The following LCP2 variants were observed in gnomAD, a reference collection of about 807,000 sequenced individuals.
The protein encoded by LCP2 is 76 kDa tyrosine phosphoprotein.
A neutral mutation model predicts 74.5 loss-of-function variants in LCP2; 29 were observed. The ratio of observed to expected loss-of-function variants is 0.39; its 90% CI spans 0.29 to 0.53. The LOEUF (loss-of-function observed/expected upper bound fraction) is 0.53, where lower values mean the gene tolerates loss of function less well. LCP2 is among the 20% of genes least tolerant of loss of function. The pLI, the probability that LCP2 is intolerant of heterozygous loss-of-function variation, is 0.72. For synonymous variants in LCP2, 228 were observed against 229.5 expected, an observed-to-expected ratio of 0.99 and a Z score of 0.06; for missense variants, 604 against 634.6, an observed-to-expected ratio of 0.95 and a Z score of 0.52.
At chr5:170,258,344 G>T in intron 15 of LCP2, 178 bp from the exon 16 acceptor site, 1 of 586,196 alleles carries the variant, frequency 1.7e-6, no homozygotes, top group Non-Finnish European at 3.0e-6. Flanking sequence ...GTTTCTAGAT[G>T]ACTTAACCAC....
intron 6 of LCP2, among the ~76,000 whole-genome samples, chr5:170,272,444 G>A (rs1038938987): frequency 6.6e-6 from 1 of 151,952 alleles, no homozygotes; most frequent in African/African-American, 2.4e-5. Context: ...AGTTAACTTG[G>A]GCTATTTCTT....
In LCP2 at chr5:170,297,645, G is replaced by A; in HGVS notation, c.-34C>T. The A allele has an allele frequency of 6.3e-7, 1 of 1,576,300 alleles. No individual in the cohort carries two copies. The highest frequency in any genetic ancestry group is 8.6e-7 in the Non-Finnish European group (1 of 1,157,050). ...TCCCGGGAAGAAGCTCACAAGCTGA[G>A]CATGGGCGCTTCACCCATGGGCAGA... On this transcript the variant is annotated 5_prime_UTR_variant, in exon 1 of 21. Coordinates refer to ENST00000046794, the MANE Select transcript of LCP2 (RefSeq NM_005565.5).
At chr5:170,296,402 T>G (rs755832858) in intron 1 of LCP2, among the ~76,000 whole-genome samples, 38 of 152,200 alleles carry the variant, frequency 2.5e-4, no homozygotes, top group Non-Finnish European at 4.9e-4. Context: ...GCTGTGACTA[T>G]AAATGCCTCG....
intron 18 of LCP2, 72 bp downstream of exon 18, chr5:170,253,047 C>A (rs1761480237): frequency 1.1e-6 from 1 of 912,532 alleles, no homozygotes; most frequent in Non-Finnish European, 1.7e-6. Flanking sequence ...GAAGAACATT[C>A]AATGGGAGTT....
At chr5:170,281,484 G>A (rs909186156) in intron 3 of LCP2, among the ~76,000 whole-genome samples, 7 of 152,184 alleles carry the variant, frequency 4.6e-5, no homozygotes, top group Non-Finnish European at 1.0e-4. Context: ...GTTTCACTGT[G>A]TTAGCCAGGA....
At chr5:170,270,477 T>A in intron 7 of LCP2, 2 of 460,514 alleles carry the variant, frequency 4.3e-6, no homozygotes, top group African/African-American at 2.0e-5. Flanking sequence ...GCAGTCTTAG[T>A]AGTCCTCACA....
In LCP2 at chr5:170,268,434, TGG is replaced by T; in HGVS notation, c.570_571del (p.Gln191GlufsTer60). The T allele has an allele frequency of 8.0e-6, 3 of 375,870 alleles. No individual in the cohort carries two copies. The highest frequency in any genetic ancestry group is 1.0e-5 in the Non-Finnish European group (3 of 299,748). The allele number at this position is 375,870 out of a possible 1,614,324, so 23.3% of individuals were successfully genotyped here. ...GGGCGGGAGGGCGGCCATCGGTCTC[TGG>T]GGGGGCACAGGAGGCTGCTGGGGGG... On this transcript the variant is annotated frameshift_variant, in exon 8 of 21. Coordinates refer to ENST00000046794, the MANE Select transcript of LCP2 (RefSeq NM_005565.5). LOFTEE classifies it high-confidence loss of function.
At chr5:170,284,016 A>G (rs901960538) in intron 3 of LCP2, among the ~76,000 whole-genome samples, 3 of 152,166 alleles carry the variant, frequency 2.0e-5, no homozygotes, top group African/African-American at 7.2e-5. Context: ...TTAGAATGTG[A>G]GTGTCCTGAG....
At position 170,281,098 on chromosome 5, in the gene LCP2, C is replaced by T. The variant is rs1313707463; in HGVS notation, c.189-5238G>A. 2.0e-5 allele frequency among the ~76,000 whole-genome samples: 3 copies of T among 152,282 alleles called. No individual in the cohort carries two copies. The East Asian group carries it at 5.8e-4, about 29-fold the overall frequency. On this transcript the variant is annotated intron_variant, in intron 3 of 20. Coordinates refer to ENST00000046794, the MANE Select transcript of LCP2 (RefSeq NM_005565.5). ...GCATTTATGGGGAGAGGAGGCTTCA[C>T]GTCGAGTGCTGTGGGCTTGCACTGG...
intron 10 of LCP2, among the ~76,000 whole-genome samples, chr5:170,263,320 T>C (rs1761696134): frequency 1.3e-5 from 2 of 152,244 alleles, no homozygotes; most frequent in Non-Finnish European, 2.9e-5. Flanking sequence ...AATGTTTCCT[T>C]GGGATTTTAT....
At position 170,258,150 on chromosome 5, in the gene LCP2, C is replaced by T. The variant is rs1320740582; in HGVS notation, c.987G>A (p.Leu329=). The T allele has an allele frequency of 2.5e-6, 4 of 1,613,872 alleles. No homozygotes were observed. The highest frequency in any genetic ancestry group is 1.3e-5 in the African/African-American group (1 of 75,010). Residue 329 remains leucine (L), a synonymous_variant, in exon 16 of 21, where the codon TTG becomes TTA. Coordinates refer to ENST00000046794, the MANE Select transcript of LCP2 (RefSeq NM_005565.5). ...NDEDDVHQRP[L]PQPALLPMSS... ...TCATAGGAAGTAGTGCTGGCTGGGGCAAAGGTCTCTGATGCACTGTGCAGA... is the reference window on the plus strand; with the variant it reads ...TCATAGGAAGTAGTGCTGGCTGGGGTAAAGGTCTCTGATGCACTGTGCAGA...
chr5:170,263,905 G>A (rs1761704432), intron 10 of LCP2, among the ~76,000 whole-genome samples: 1 of 152,184 alleles, frequency 6.6e-6, no homozygotes, highest in Admixed American at 6.5e-5. Context: ...GCACTTGATT[G>A]TGAAAGTTGG....
At chr5:170,278,587 C>T (rs1762050219) in intron 3 of LCP2, among the ~76,000 whole-genome samples, 1 of 151,888 alleles carries the variant, frequency 6.6e-6, no homozygotes, top group African/African-American at 2.4e-5. Context: ...GGTGACATTT[C>T]AGTAATGACT....
chr5:170,274,021 G>A lies in LCP2; in HGVS notation c.324+280C>T. 1.0e-5 allele frequency: 5 copies of A among 476,598 alleles called. No homozygotes were observed. In the Admixed American group the frequency reaches 1.4e-4, roughly 13 times the overall value. 29.5% of individuals were successfully genotyped at this position (476,598 alleles called of 1,614,324 possible). The stretch of plus-strand genomic sequence containing the variant: ...CCTACCCTCTGTGTTTGCAAATGAA[G>A]GTTTATGGGCGCAAAGCCAAGCCTG... On this transcript the variant is annotated intron_variant, in intron 6 of 20. Transcript: ENST00000046794.
In LCP2 at chr5:170,256,642, GT is replaced by G; in HGVS notation, c.1101-68del. 1 of 1,144,582 alleles carries G rather than the reference GT, an allele frequency of 8.7e-7. No homozygotes were observed. The highest frequency in any genetic ancestry group is 1.3e-6 in the Non-Finnish European group (1 of 753,428). 70.9% of individuals were successfully genotyped at this position (1,144,582 alleles called of 1,614,324 possible). A position where few individuals can be genotyped will look rare whatever the true frequency, so the allele number is the denominator to read the frequency against. On this transcript the variant is annotated intron_variant, in intron 16 of 20. Coordinates refer to ENST00000046794, the MANE Select transcript of LCP2 (RefSeq NM_005565.5). The surrounding 1 kb of genome is among the most constrained non-coding windows in gnomAD (Gnocchi z 4.5). ...TGATGGGGCCAGACAGGGGAGCTGG[GT>G]TAGGGAAGCCAGGCTGCAAATGCTT...
chr5:170,297,692 G>C lies in LCP2; in HGVS notation c.-81C>G. 7.9e-7 allele frequency: 1 copy of C among 1,272,270 alleles called. No homozygotes were observed. Among genetic ancestry groups the C allele is most frequent in the Non-Finnish European group, 1.1e-6 (1 of 911,022 alleles). The allele number at this position is 1,272,270 out of a possible 1,614,324, so 78.8% of individuals were successfully genotyped here. ...CAGAGAAGCTCAAATCCAGAGCTCG[G>C]AGGCGTTCTTGGCTCTTCCAACTCC... is the stretch of plus-strand genomic sequence containing the variant. On this transcript the variant is annotated 5_prime_UTR_variant, in exon 1 of 21. Coordinates refer to ENST00000046794, the MANE Select transcript of LCP2 (RefSeq NM_005565.5).
intron 7 of LCP2, 42 bp downstream of exon 7, chr5:170,270,677 T>G (rs553498941): frequency 4.0e-6 from 6 of 1,512,538 alleles, no homozygotes; most frequent in East Asian, 4.9e-5. Context: ...CGAGCTTGCC[T>G]TTGGGCTGCT....
rs533503943 is a variant in LCP2, at chr5:170,281,532, G to T, written c.189-5672C>A. On this transcript the variant is annotated intron_variant, in intron 3 of 20. Coordinates refer to ENST00000046794, the MANE Select transcript of LCP2 (RefSeq NM_005565.5). ...CCTGACCTTGTGATCCGCCCGCCTTGGCCTCCCAAAGTGCTGGGATTACAG... is the reference window on the plus strand; with the variant it reads ...CCTGACCTTGTGATCCGCCCGCCTTTGCCTCCCAAAGTGCTGGGATTACAG... Among the ~76,000 whole-genome samples, 708 of 152,252 alleles carry T rather than the reference G, an allele frequency of 4.7e-3. 4 individuals carry two copies. The highest frequency in any genetic ancestry group is 8.2e-3 in the Non-Finnish European group (556 of 68,014).
intron 4 of LCP2, 120 bp from the exon 5 acceptor site, chr5:170,275,471 G>A: frequency 2.6e-6 from 3 of 1,164,740 alleles, no homozygotes; most frequent in South Asian, 1.3e-5. Flanking sequence ...CTGCTCAAGA[G>A]AGGTTTGTAT....
Sources: gnomAD v4.1 joint callset for allele counts (sites outside exome capture counted in the v4.1 genomes callset) on GRCh38, gnomAD v4.1.1 for gene constraint, Gnocchi (gnomAD v3.1) non-coding constraint, MANE v1.5 for transcripts, NCBI Gene and HGNC (gene_info 2026-07-23, HGNC 2026-07-21) for gene names.